KRABD3: variants seen among roughly 807,000 people sequenced by gnomAD.
The protein encoded by KRABD3 is KRAB domain-containing protein 3.
chr7:149,733,443 C>T, the KRABD3 span: 2 of 1,588,742 alleles, frequency 1.3e-6, no homozygotes, highest in Non-Finnish European at 1.7e-6. Context: ...GAAGTGGCCA[C>T]CATGAGGACC....
At chr7:149,729,150 G>T in the KRABD3 span, 3 of 1,435,320 alleles carry the variant, frequency 2.1e-6, no homozygotes, top group African/African-American at 1.4e-5. Flanking sequence ...ACGAGGCCCC[G>T]TGGGGCTGAC....
At chr7:149,726,206 C>T in the KRABD3 span, 3 of 721,570 alleles carry the variant, frequency 4.2e-6, no homozygotes, top group Non-Finnish European at 6.7e-6. Flanking sequence ...AGATGCGGGA[C>T]TTATCTTGGG....
chr7:149,727,429 C>A, the KRABD3 span, among the ~76,000 whole-genome samples: 3 of 152,202 alleles, frequency 2.0e-5, no homozygotes, highest in African/African-American at 7.2e-5. Context: ...TAGCTTTGTT[C>A]AAAAGCTATA....
chr7:149,720,706 G>A, the KRABD3 span: 2 of 968,346 alleles, frequency 2.1e-6, no homozygotes, highest in South Asian at 3.3e-5. Context: ...ATGGGACATG[G>A]TGTCTCCTCT....
chr7:149,728,960 G>T, the KRABD3 span, among the ~76,000 whole-genome samples: 1 of 152,230 alleles, frequency 6.6e-6, no homozygotes, highest in South Asian at 2.1e-4. Context: ...GAGCCTTGGT[G>T]TCTGGGCACC....
At chr7:149,719,685 G>A in the KRABD3 span, 11 of 1,602,638 alleles carry the variant, frequency 6.9e-6, no homozygotes, top group Non-Finnish European at 8.5e-6. The surrounding 1 kb of genome is among the most constrained non-coding windows in gnomAD (Gnocchi z 5.6). Flanking sequence ...AAGGACGGGA[G>A]GGAGCAGCAC....
the KRABD3 span, chr7:149,730,800 C>T: frequency 2.1e-5 from 12 of 577,000 alleles, no homozygotes; most frequent in East Asian, 8.4e-5. Flanking sequence ...CTTGATGCCA[C>T]GTACACGGTG....
At chr7:149,730,821 C>A in the KRABD3 span, 1 of 543,630 alleles carries the variant, frequency 1.8e-6, no homozygotes, top group Non-Finnish European at 3.3e-6. Flanking sequence ...TTTGCGCTTG[C>A]TAATATACAC....
the KRABD3 span, chr7:149,730,551 G>A: frequency 2.5e-6 from 4 of 1,611,938 alleles, no homozygotes; most frequent in Admixed American, 5.0e-5. Context: ...CCCAGGTACT[G>A]CAGCGGCCTC....
chr7:149,731,294 C>T, the KRABD3 span, among the ~76,000 whole-genome samples: 1 of 152,218 alleles, frequency 6.6e-6, no homozygotes, highest in African/African-American at 2.4e-5. Context: ...ACCCAGGCTG[C>T]ACCACATTCT....
chr7:149,724,485 G>C, the KRABD3 span, among the ~76,000 whole-genome samples: 1 of 152,188 alleles, frequency 6.6e-6, no homozygotes, highest in East Asian at 1.9e-4. Flanking sequence ...GGAGGCGTGT[G>C]ACTCAGGTCT....
chr7:149,730,648 C>G, the KRABD3 span: 1 of 1,504,208 alleles, frequency 6.6e-7, no homozygotes, highest in Non-Finnish European at 9.0e-7. Context: ...TTGAGTCCTG[C>G]CTGTCGCTTT....
the KRABD3 span, chr7:149,721,402 C>G: frequency 6.2e-7 from 1 of 1,607,566 alleles, no homozygotes; most frequent in Non-Finnish European, 8.5e-7. Flanking sequence ...GAGAGCCCTG[C>G]CCTCTCCGAG....
the KRABD3 span, chr7:149,725,508 GCGGGGTGGCATGTCC>G: frequency 6.3e-7 from 1 of 1,586,074 alleles, no homozygotes; most frequent in South Asian, 1.1e-5. Context: ...GGCCATGGGC[GCGGGGTGGCATGTCC>G]CTGAGCGTGG....
At chr7:149,721,351 AGTT>A in the KRABD3 span, 1 of 1,559,832 alleles carries the variant, frequency 6.4e-7, no homozygotes, top group Non-Finnish European at 8.6e-7. Flanking sequence ...GCATCTTACC[AGTT>A]GTTGATTCTC....
At chr7:149,722,932 G>A in the KRABD3 span, 4 of 1,603,994 alleles carry the variant, frequency 2.5e-6, no homozygotes, top group Admixed American at 7.0e-5. Flanking sequence ...AGCAGACCTG[G>A]GGCCTGGGAG....
At chr7:149,728,949 C>T in the KRABD3 span, among the ~76,000 whole-genome samples, 18 of 152,242 alleles carry the variant, frequency 1.2e-4, no homozygotes, top group African/African-American at 3.6e-4. Flanking sequence ...GCCAGCCCCA[C>T]GAGCCTTGGT....
At chr7:149,731,374 G>A in the KRABD3 span, among the ~76,000 whole-genome samples, 12 of 152,276 alleles carry the variant, frequency 7.9e-5, no homozygotes, top group South Asian at 2.1e-4. Flanking sequence ...GCCCCAGCAC[G>A]CCCTTGGAAG....
the KRABD3 span, chr7:149,721,346 T>C: frequency 1.9e-5 from 30 of 1,555,252 alleles, no homozygotes; most frequent in Middle Eastern, 1.4e-3. Context: ...TAGGGGCATC[T>C]TACCAGTTGT....
Sources: allele counts gnomAD v4.1 joint callset (sites outside exome capture counted in the v4.1 genomes callset), GRCh38; gene constraint gnomAD v4.1.1; non-coding constraint Gnocchi (gnomAD v3.1); transcripts MANE v1.5; gene names NCBI Gene and HGNC (gene_info 2026-07-23, HGNC 2026-07-21).